SLC24A2: variants seen among roughly 807,000 people sequenced by gnomAD.
SLC24A2 encodes solute carrier family 24 member 2.
A neutral mutation model predicts 62.0 loss-of-function variants in SLC24A2; 36 were observed. The ratio of observed to expected loss-of-function variants is 0.58; its 90% CI spans 0.44 to 0.77. SLC24A2 has a LOEUF of 0.77. SLC24A2 is among the 30% of genes least tolerant of loss of function. The pLI, the probability that SLC24A2 is intolerant of heterozygous loss-of-function variation, is 0.00. For missense variants in SLC24A2, 846 were observed against 817.9 expected (o/e 1.03, Z -0.42); for synonymous variants, 358 against 294.0 (o/e 1.22, Z -2.23).
intron 2 of SLC24A2, among the ~76,000 whole-genome samples, chr9:19,634,502 G>A (rs1818263588): frequency 6.6e-6 from 1 of 152,010 alleles, no homozygotes. Flanking sequence ...TGGTCAGGCT[G>A]GTCTCAAACT....
chr9:19,989,914 C>T, the SLC24A2 span, among the ~76,000 whole-genome samples: 6 of 152,032 alleles, frequency 3.9e-5, no homozygotes, highest in African/African-American at 1.2e-4. Flanking sequence ...ATGGACAGCA[C>T]AAAATCATAG....
the SLC24A2 span, among the ~76,000 whole-genome samples, chr9:20,037,125 T>C: frequency 6.6e-6 from 1 of 152,134 alleles, no homozygotes; most frequent in Non-Finnish European, 1.5e-5. Context: ...CTTGAACTCC[T>C]GACCCCAGGT....
the SLC24A2 span, among the ~76,000 whole-genome samples, chr9:20,158,899 A>G: frequency 8.6e-5 from 13 of 151,878 alleles, no homozygotes; most frequent in East Asian, 2.5e-3. Flanking sequence ...AAACTGAATT[A>G]GAAATATTCT....
chr9:20,102,889 C>A, the SLC24A2 span, among the ~76,000 whole-genome samples: 55 of 152,064 alleles, frequency 3.6e-4, no homozygotes, highest in Non-Finnish European at 7.8e-4. Flanking sequence ...AGAAGCAGAG[C>A]AAGGCATTGC....
At chr9:19,993,045 G>T in the SLC24A2 span, among the ~76,000 whole-genome samples, 3 of 152,040 alleles carry the variant, frequency 2.0e-5, no homozygotes, top group African/African-American at 4.8e-5. Flanking sequence ...AGAGAGAAGT[G>T]CTCTGTACGC....
the SLC24A2 span, among the ~76,000 whole-genome samples, chr9:20,050,923 C>G: frequency 6.6e-6 from 1 of 151,382 alleles, no homozygotes; most frequent in East Asian, 1.9e-4. Flanking sequence ...TCCAAATTAA[C>G]AGAAGAAAAC....
intron 2 of SLC24A2, among the ~76,000 whole-genome samples, chr9:19,736,615 G>T (rs548582381): frequency 6.6e-6 from 1 of 152,220 alleles, no homozygotes; most frequent in African/African-American, 2.4e-5. Context: ...GAAGTGGGGA[G>T]ATCACTTGAG....
At chr9:20,090,011 C>G in the SLC24A2 span, among the ~76,000 whole-genome samples, 1 of 152,154 alleles carries the variant, frequency 6.6e-6, no homozygotes, top group Admixed American at 6.5e-5. Flanking sequence ...GCCCCTTTCT[C>G]TGTGTTGGTG....
At chr9:20,132,979 G>C in the SLC24A2 span, among the ~76,000 whole-genome samples, 1 of 152,050 alleles carries the variant, frequency 6.6e-6, no homozygotes, top group African/African-American at 2.4e-5. Flanking sequence ...AATGTGGCTA[G>C]GCTGCAGTCC....
the SLC24A2 span, among the ~76,000 whole-genome samples, chr9:20,197,735 G>T: frequency 6.6e-6 from 1 of 152,006 alleles, no homozygotes; most frequent in Non-Finnish European, 1.5e-5. Context: ...GGCCATAATT[G>T]GGGTGATTTT....
At chr9:20,190,242 G>T in the SLC24A2 span, among the ~76,000 whole-genome samples, 1 of 152,118 alleles carries the variant, frequency 6.6e-6, no homozygotes, top group Admixed American at 6.6e-5. Flanking sequence ...GCTTGGAAGG[G>T]ACTATGCCAG....
At chr9:19,966,962 C>A in the SLC24A2 span, among the ~76,000 whole-genome samples, 2 of 152,102 alleles carry the variant, frequency 1.3e-5, no homozygotes, top group Non-Finnish European at 2.9e-5. Flanking sequence ...GGAAGAATTT[C>A]TGAAAAATTC....
At chr9:19,835,323 G>A in the SLC24A2 span, among the ~76,000 whole-genome samples, 1 of 152,140 alleles carries the variant, frequency 6.6e-6, no homozygotes, top group Non-Finnish European at 1.5e-5. Context: ...GCTGTATTCA[G>A]GAAATCCATC....
the SLC24A2 span, among the ~76,000 whole-genome samples, chr9:20,179,581 C>A: frequency 6.6e-6 from 1 of 152,140 alleles, no homozygotes; most frequent in Non-Finnish European, 1.5e-5. Context: ...TTTTTGAAAG[C>A]TTCCCTCTGT....
intron 2 of SLC24A2, among the ~76,000 whole-genome samples, chr9:19,645,392 C>T (rs1411834557): frequency 5.9e-5 from 9 of 152,048 alleles, no homozygotes; most frequent in Middle Eastern, 3.4e-3. Context: ...AACTAATATT[C>T]GGGGCTATGA....
intron 5 of SLC24A2, among the ~76,000 whole-genome samples, chr9:19,579,671 G>T (rs1015084802): frequency 5.9e-5 from 9 of 152,158 alleles, no homozygotes; most frequent in Non-Finnish European, 1.0e-4. Flanking sequence ...GCAACAAATA[G>T]GTCTGTGGAA....
chr9:19,549,180 A>C (rs58765680), intron 8 of SLC24A2, among the ~76,000 whole-genome samples: 4,367 of 152,346 alleles, frequency 0.029, 203 homozygotes, highest in African/African-American at 0.098. Context: ...TAGTCGATTA[A>C]AGTAATGATA....
At chr9:19,801,266 G>C in the SLC24A2 span, among the ~76,000 whole-genome samples, 41 of 152,330 alleles carry the variant, frequency 2.7e-4, no homozygotes, top group African/African-American at 9.6e-4. Flanking sequence ...CTAGTGTTCA[G>C]CTCGATTAGG....
intron 7 of SLC24A2, among the ~76,000 whole-genome samples, chr9:19,558,283 C>T (rs945022842): frequency 6.6e-6 from 1 of 152,138 alleles, no homozygotes; most frequent in Non-Finnish European, 1.5e-5. Context: ...AGTAACATCT[C>T]CAAGTTCCTA....
Sources: allele counts gnomAD v4.1 joint callset (sites outside exome capture counted in the v4.1 genomes callset), GRCh38; gene constraint gnomAD v4.1.1; transcripts MANE v1.5; gene names NCBI Gene and HGNC (gene_info 2026-07-23, HGNC 2026-07-21).